Variants in HAO1 observed in about 807,000 individuals in gnomAD.
The protein encoded by HAO1 is hydroxyacid oxidase 1.
HAO1 carries 34 observed loss-of-function variants against 39.7 expected under a neutral mutation model. That is an observed-to-expected ratio of 0.86 (90% CI 0.65 to 1.14). The LOEUF (loss-of-function observed/expected upper bound fraction) is 1.14, where lower values mean the gene tolerates loss of function less well. Among genes scored for constraint, HAO1 ranks in the 50% most tolerant of loss-of-function variants. The pLI is 0.00. For synonymous variants in HAO1, 172 were observed against 173.2 expected, an observed-to-expected ratio of 0.99 and a Z score of 0.05; for missense variants, 479 against 464.5, an observed-to-expected ratio of 1.03 and a Z score of -0.29.
At chr20:7,886,174 AC>A (rs1255353257) in intron 5 of HAO1, among the ~76,000 whole-genome samples, 1 of 149,548 alleles carries the variant, frequency 6.7e-6, no homozygotes, top group Non-Finnish European at 1.5e-5. Flanking sequence ...ATCTTTCATA[AC>A]TTTTTTGTTT....
intron 3 of HAO1, among the ~76,000 whole-genome samples, chr20:7,910,313 G>A (rs1193061275): frequency 2.6e-5 from 4 of 152,170 alleles, no homozygotes; most frequent in Non-Finnish European, 5.9e-5. Context: ...GGTAACCAGC[G>A]TTGGCAAAAT....
chr20:7,918,836 C>T (rs1286207218), intron 2 of HAO1, among the ~76,000 whole-genome samples: 1 of 152,180 alleles, frequency 6.6e-6, no homozygotes, highest in Non-Finnish European at 1.5e-5. Context: ...TTCTGACTAT[C>T]GTTATCCTAG....
chr20:7,938,249 G>A (rs1426508858), intron 1 of HAO1, among the ~76,000 whole-genome samples: 1 of 152,164 alleles, frequency 6.6e-6, no homozygotes, highest in East Asian at 1.9e-4. Flanking sequence ...ACATGATGCA[G>A]TGTGAGGAAT....
intron 2 of HAO1, among the ~76,000 whole-genome samples, chr20:7,930,928 G>A (rs1474549284): frequency 6.6e-6 from 1 of 152,124 alleles, no homozygotes; most frequent in Admixed American, 6.6e-5. Flanking sequence ...TCCTTTCCTT[G>A]CAAGTAACCC....
intron 2 of HAO1, among the ~76,000 whole-genome samples, chr20:7,923,088 A>G (rs968594638): frequency 4.6e-5 from 7 of 152,152 alleles, no homozygotes; most frequent in Non-Finnish European, 1.0e-4. Flanking sequence ...CTAAACTGCC[A>G]TTCAATAGAG....
chr20:7,920,729 G>C (rs1568517617), intron 2 of HAO1, among the ~76,000 whole-genome samples: 1 of 152,064 alleles, frequency 6.6e-6, no homozygotes, highest in Non-Finnish European at 1.5e-5. Flanking sequence ...AGGCTGAATA[G>C]TATTCCTTTG....
intron 2 of HAO1, among the ~76,000 whole-genome samples, chr20:7,919,773 G>T (rs959102631): frequency 1.3e-5 from 2 of 152,124 alleles, no homozygotes; most frequent in African/African-American, 4.8e-5. Flanking sequence ...GGAAAAATAA[G>T]TTCTGGATAG....
Position 7,914,039 on chromosome 20 carries a change from A to AG in HAO1, c.545+124dup, listed in dbSNP as rs1405677973. 3.0e-6 allele frequency: 3 copies of AG among 996,812 alleles called. No individual in the cohort carries two copies. The African/African-American group carries it at 4.8e-5, about 16-fold the overall frequency. 61.7% of individuals were successfully genotyped at this position (996,812 alleles called of 1,614,324 possible). ...TCTCAAAAAAAGTGATGTCTACAAA[A>AG]GGGATGTGATTAGCTGAAGATTAAC... On this transcript the variant is annotated intron_variant, in intron 3 of 7. Transcript: ENST00000378789.
chr20:7,921,863 C>A (rs2050334593), intron 2 of HAO1, among the ~76,000 whole-genome samples: 1 of 151,942 alleles, frequency 6.6e-6, no homozygotes, highest in Non-Finnish European at 1.5e-5. Flanking sequence ...AACCAAAAAC[C>A]AAATACCACA....
At chr20:7,939,221 C>A (rs916171904) in intron 1 of HAO1, among the ~76,000 whole-genome samples, 4 of 152,192 alleles carry the variant, frequency 2.6e-5, no homozygotes, top group Admixed American at 2.6e-4. Flanking sequence ...GGGTTCCAGG[C>A]AAAACCTGAG....
chr20:7,886,373 C>T, intron 5 of HAO1, among the ~76,000 whole-genome samples: 1 of 152,042 alleles, frequency 6.6e-6, no homozygotes, highest in Admixed American at 6.6e-5. Flanking sequence ...GGGGTTTCAT[C>T]ATGTTGGCCA....
chr20:7,931,171 C>A (rs978458702), intron 2 of HAO1, among the ~76,000 whole-genome samples: 6 of 152,124 alleles, frequency 3.9e-5, no homozygotes. Flanking sequence ...TTTTTGAGGG[C>A]AACATGTGTA....
intron 2 of HAO1, among the ~76,000 whole-genome samples, chr20:7,930,283 C>T (rs1045543320): frequency 2.0e-5 from 3 of 152,024 alleles, no homozygotes; most frequent in African/African-American, 7.2e-5. Context: ...GCATAGATTT[C>T]CCAATATTCC....
At chr20:7,925,068 T>C (rs2050353093) in intron 2 of HAO1, among the ~76,000 whole-genome samples, 1 of 152,138 alleles carries the variant, frequency 6.6e-6, no homozygotes, top group Non-Finnish European at 1.5e-5. Flanking sequence ...ATCATAAAGG[T>C]CTTCACAGAG....
chr20:7,900,542 A>G (rs574962694), intron 4 of HAO1, among the ~76,000 whole-genome samples: 3 of 152,214 alleles, frequency 2.0e-5, no homozygotes, highest in African/African-American at 7.2e-5. Context: ...ATCTGTGATT[A>G]GTGATCTTTG....
At chr20:7,906,357 A>G (rs951706238) in intron 3 of HAO1, 28 bp from the exon 4 acceptor site, 10 of 1,315,358 alleles carry the variant, frequency 7.6e-6, no homozygotes, top group Non-Finnish European at 1.1e-5. Context: ...TAAAATGAGA[A>G]ATTTGCCAAA....
rs569214921 is a variant in HAO1, at chr20:7,919,947, G to A, written c.290-5528C>T. On this transcript the variant is annotated intron_variant, in intron 2 of 7. Transcript: ENST00000378789. ...ACATGTTTATGGGGTACAAAGTGAT[G>A]TTTTGATCTATGTATACATTGCAGA... Among the ~76,000 whole-genome samples the A allele has an allele frequency of 1.3e-4, 20 of 152,216 alleles. No individual in the cohort carries two copies. In the South Asian group the frequency reaches 3.9e-3, roughly 30 times the overall value.
chr20:7,885,943 A>G, intron 5 of HAO1, 79 bp from the exon 6 acceptor site: 1 of 1,197,312 alleles, frequency 8.4e-7, no homozygotes, highest in Non-Finnish European at 1.2e-6. Flanking sequence ...AACCACTGAC[A>G]CATCCAGCTA....
At position 7,909,383 on chromosome 20, in the gene HAO1, A is replaced by ATATATATATATATG. The variant is rs2050266187; in HGVS notation, c.546-3055_546-3054insCATATATATATATA. Among the ~76,000 whole-genome samples, 13 of 124,776 alleles carry ATATATATATATATG rather than the reference A, an allele frequency of 1.0e-4. 1 individual carries two copies. The highest frequency in any genetic ancestry group is 4.1e-4 in the African/African-American group (12 of 29,130). The allele number at this position is 124,776 out of a possible 152,430, so 81.9% of individuals were successfully genotyped here. A position where few individuals can be genotyped will look rare whatever the true frequency, so the allele number is the denominator to read the frequency against. ...GACATATATATATATATATATGTATATATATATATATATATATATATGCTT... is the reference window on the plus strand; with the variant it reads ...GACATATATATATATATATATGTATATATATATATATATGTATATATATATATATATATATGCTT... On this transcript the variant is annotated intron_variant, in intron 3 of 7. Transcript: ENST00000378789.
Sources: gnomAD v4.1 joint callset for allele counts (sites outside exome capture counted in the v4.1 genomes callset) on GRCh38, gnomAD v4.1.1 for gene constraint, MANE v1.5 for transcripts, NCBI Gene and HGNC (gene_info 2026-07-23, HGNC 2026-07-21) for gene names.